The following DNAH3 variants were observed in gnomAD, a reference collection of about 807,000 sequenced individuals.
DNAH3 encodes dynein axonemal heavy chain 3.
In DNAH3, 332 loss-of-function variants were observed where a neutral mutation model predicts 432.5. The ratio of observed to expected loss-of-function variants is 0.77; its 90% CI spans 0.70 to 0.84. The LOEUF is 0.84. Ranked by LOEUF, DNAH3 falls within the 40% of genes least tolerant of loss-of-function variation. DNAH3 has a pLI of 0.00. For missense variants in DNAH3, 4,861 were observed against 5,114.0 expected (o/e 0.95, Z 1.51); for synonymous variants, 1,956 against 1,900.2 (o/e 1.03, Z -0.76).
intron 41 of DNAH3, among the ~76,000 whole-genome samples, chr16:21,008,258 AT>A (rs2087415720): frequency 6.6e-6 from 1 of 151,938 alleles, no homozygotes. Flanking sequence ...CTCTGATATA[AT>A]TGGGTAAATT....
At chr16:20,982,667 G>C in intron 49 of DNAH3, 54 bp downstream of exon 49, 1 of 1,468,914 alleles carries the variant, frequency 6.8e-7, no homozygotes. Flanking sequence ...TAGAGCCAGC[G>C]TCTGGACTTC....
At chr16:21,062,629 G>GTCC (rs2090401621) in exon 25 of DNAH3, 8 of 1,614,104 alleles carry the variant, frequency 5.0e-6, no homozygotes, top group Middle Eastern at 3.3e-4. Flanking sequence ...CTCGGAGAGG[G>GTCC]TCCTTTGTCT....
chr16:20,992,432 G>A (rs543555542), intron 44 of DNAH3, among the ~76,000 whole-genome samples: 59 of 151,474 alleles, frequency 3.9e-4, no homozygotes, highest in African/African-American at 1.4e-3. Flanking sequence ...TGCAAGCTCC[G>A]CCTCCCGGGT....
At position 20,989,098 on chromosome 16, in the gene DNAH3, A is replaced by G. The variant is rs1024871285; in HGVS notation, c.6602-1033T>C. Among the ~76,000 whole-genome samples, 18 of 152,190 alleles carry G rather than the reference A, an allele frequency of 1.2e-4. 1 individual carries two copies. The highest frequency in any genetic ancestry group is 1.2e-4 in the Non-Finnish European group (8 of 68,034). On this transcript the variant is annotated intron_variant, in intron 44 of 61. Transcript: ENST00000261383. The stretch of plus-strand genomic sequence containing the variant: ...AACAAAGCTTCCACAGTGCGGAAAG[A>G]GACCCGAGCGGGTTACCACTGCTGG...
rs1555545880 is a variant in DNAH3 at position 21,067,804 on chromosome 16, T to TGAGAGAGAGAGAGAGAGAGAGA, written c.3382-386_3382-385insTCTCTCTCTCTCTCTCTCTCTC. 7.9e-5 allele frequency among the ~76,000 whole-genome samples: 6 copies of TGAGAGAGAGAGAGAGAGAGAGA among 75,696 alleles called. 1 individual carries two copies. Among genetic ancestry groups the TGAGAGAGAGAGAGAGAGAGAGA allele is most frequent in the Admixed American group, 7.5e-4 (5 of 6,626 alleles). 49.7% of individuals were successfully genotyped at this position (75,696 alleles called of 152,430 possible). On this transcript the variant is annotated intron_variant, in intron 23 of 61. Coordinates refer to ENST00000261383, the Ensembl canonical transcript of DNAH3. ...GAGAGAGAGAGAGAGAGAGAGAGAC[T>TGAGAGAGAGAGAGAGAGAGAGA]GACTAAGGCAGGGCCAGGAAAGAGG...
At chr16:21,142,048 G>A (rs187807626) in intron 3 of DNAH3, among the ~76,000 whole-genome samples, 18 of 151,020 alleles carry the variant, frequency 1.2e-4, no homozygotes, top group South Asian at 2.1e-4. Context: ...GTGAGACTCC[G>A]TCTCAAAAAT....
intron 18 of DNAH3, among the ~76,000 whole-genome samples, chr16:21,093,784 A>G (rs1365502476): frequency 1.3e-5 from 2 of 152,162 alleles, no homozygotes; most frequent in Non-Finnish European, 2.9e-5. Flanking sequence ...AGATATGGAC[A>G]ACTGATTTTT....
intron 11 of DNAH3, 68 bp from the exon 12 acceptor site, chr16:21,117,407 C>A: frequency 1.2e-6 from 1 of 857,192 alleles, no homozygotes; most frequent in East Asian, 2.6e-5. Context: ...AAATGCAAAG[C>A]CTTCTCTAAT....
At chr16:21,112,893 CTT>C (rs1294836592) in intron 12 of DNAH3, among the ~76,000 whole-genome samples, 1 of 152,170 alleles carries the variant, frequency 6.6e-6, no homozygotes, top group Admixed American at 6.6e-5. Flanking sequence ...CCCTGTACCC[CTT>C]TGTTTTAGCC....
At chr16:21,094,447 G>T (rs1282706757) in intron 18 of DNAH3, among the ~76,000 whole-genome samples, 1 of 152,104 alleles carries the variant, frequency 6.6e-6, no homozygotes, top group Non-Finnish European at 1.5e-5. Flanking sequence ...GAGGCAGGTG[G>T]ATCACCTGAG....
At chr16:21,088,499 C>G (rs1055068051) in intron 18 of DNAH3, among the ~76,000 whole-genome samples, 3 of 152,160 alleles carry the variant, frequency 2.0e-5, no homozygotes, top group African/African-American at 7.2e-5. Context: ...TTATGATTAT[C>G]TAGAGACAGC....
chr16:20,937,671 G>C lies in DNAH3; in HGVS notation c.11655-818C>G, dbSNP rs1300504878. Among the ~76,000 whole-genome samples, 3 of 151,584 alleles carry C rather than the reference G, an allele frequency of 2.0e-5. No individual in the cohort carries two copies. The East Asian group carries it at 5.8e-4, about 29-fold the overall frequency. On this transcript the variant is annotated intron_variant, in intron 59 of 61. Transcript: ENST00000261383. Reference sequence around the variant, plus strand: ...AGTCTCCTGAGTAGCTGGGACTACAGGCACATGCCACTATGCCCACCTGAT... The same window carrying C: ...AGTCTCCTGAGTAGCTGGGACTACACGCACATGCCACTATGCCCACCTGAT...
chr16:21,062,598 ACTT>A (rs775393116), exon 25 of DNAH3: 51 of 1,614,030 alleles, frequency 3.2e-5, no homozygotes, highest in Middle Eastern at 3.3e-4. Context: ...CCTTCAAAGC[ACTT>A]CTTCAAGTGC....
intron 18 of DNAH3, among the ~76,000 whole-genome samples, chr16:21,091,546 A>T (rs1406492217): frequency 2.0e-5 from 3 of 152,268 alleles, no homozygotes; most frequent in South Asian, 2.1e-4. Context: ...GCCCAGGCAC[A>T]GTGGCTCATG....
chr16:21,019,895 G>C (rs908697494), intron 40 of DNAH3, 26 bp from the exon 41 acceptor site: 2 of 1,610,892 alleles, frequency 1.2e-6, no homozygotes, highest in African/African-American at 2.7e-5. Flanking sequence ...GCGAATCTCA[G>C]GACAGAGTGC....
intron 25 of DNAH3, among the ~76,000 whole-genome samples, 171 bp from the exon 26 acceptor site, chr16:21,060,527 T>C (rs199736726): frequency 0.17 from 6,971 of 40,648 alleles, 123 homozygotes; most frequent in East Asian, 0.41. Flanking sequence ...TTTTTTTTTC[T>C]TTTTTTTTTT....
At chr16:20,974,985 GTTT>G (rs35783206) in intron 51 of DNAH3, among the ~76,000 whole-genome samples, 35,681 of 120,454 alleles carry the variant, frequency 0.3, 5,548 homozygotes, top group South Asian at 0.49. Flanking sequence ...CACCTGGCTA[GTTT>G]TTTTTTTTTT....
chr16:20,965,317 A>G (rs1301782876), exon 53 of DNAH3: 3 of 1,611,920 alleles, frequency 1.9e-6, no homozygotes, highest in Non-Finnish European at 2.5e-6. Flanking sequence ...GATCCGCTTC[A>G]TGGTCAGTGG....
intron 59 of DNAH3, among the ~76,000 whole-genome samples, chr16:20,940,285 A>C (rs1182018965): frequency 6.6e-6 from 1 of 151,808 alleles, no homozygotes; most frequent in African/African-American, 2.4e-5. Context: ...CTGGTCTTAA[A>C]CCCCTGGGTT....
Sources: allele counts gnomAD v4.1 joint callset (sites outside exome capture counted in the v4.1 genomes callset), GRCh38; gene constraint gnomAD v4.1.1; transcripts MANE v1.5; gene names NCBI Gene and HGNC (gene_info 2026-07-23, HGNC 2026-07-21).